Variants in ARB2A observed in about 807,000 individuals in gnomAD.
The protein encoded by ARB2A is ARB2 cotranscriptional regulator A.
the ARB2A span, among the ~76,000 whole-genome samples, chr5:93,935,003 A>T: frequency 6.6e-6 from 1 of 152,112 alleles, no homozygotes; most frequent in South Asian, 2.1e-4. Context: ...GTATGTTCTC[A>T]CTCATAAGTG....
the ARB2A span, among the ~76,000 whole-genome samples, chr5:93,676,218 T>C: frequency 2.0e-5 from 3 of 151,948 alleles, no homozygotes; most frequent in Non-Finnish European, 2.9e-5. Context: ...TATGACCAAG[T>C]ACAAGTATCA....
At chr5:94,019,684 G>T in the ARB2A span, among the ~76,000 whole-genome samples, 1 of 152,232 alleles carries the variant, frequency 6.6e-6, no homozygotes, top group Non-Finnish European at 1.5e-5. Flanking sequence ...CTTTTGGTGG[G>T]AGTGTAAACT....
At chr5:94,061,181 T>C in the ARB2A span, among the ~76,000 whole-genome samples, 1 of 151,910 alleles carries the variant, frequency 6.6e-6, no homozygotes, top group Non-Finnish European at 1.5e-5. Flanking sequence ...GAGCTTGCAA[T>C]GAGCCAAGAC....
the ARB2A span, among the ~76,000 whole-genome samples, chr5:93,717,038 T>C: frequency 6.6e-6 from 1 of 152,228 alleles, no homozygotes; most frequent in African/African-American, 2.4e-5. Context: ...AAAGAATGTA[T>C]ACTATTTATG....
chr5:93,924,295 G>A, the ARB2A span, among the ~76,000 whole-genome samples: 1 of 152,154 alleles, frequency 6.6e-6, no homozygotes, highest in Non-Finnish European at 1.5e-5. Flanking sequence ...TAACTGGCAT[G>A]TTTCATACAG....
At chr5:94,066,463 CACAT>C in the ARB2A span, among the ~76,000 whole-genome samples, 104 of 146,128 alleles carry the variant, frequency 7.1e-4, no homozygotes, top group African/African-American at 2.5e-3. Flanking sequence ...CACACACACA[CACAT>C]AAAAACCCAG....
At chr5:93,836,673 G>T in the ARB2A span, among the ~76,000 whole-genome samples, 2 of 152,080 alleles carry the variant, frequency 1.3e-5, no homozygotes, top group African/African-American at 4.8e-5. Context: ...CAAATTGTAT[G>T]CATTTGTATT....
the ARB2A span, among the ~76,000 whole-genome samples, chr5:93,857,922 A>G: frequency 6.6e-6 from 1 of 152,184 alleles, no homozygotes; most frequent in Non-Finnish European, 1.5e-5. Flanking sequence ...CTATTCGGCC[A>G]TCTTGGCTGC....
chr5:94,077,664 T>C, the ARB2A span, among the ~76,000 whole-genome samples: 2 of 152,190 alleles, frequency 1.3e-5, no homozygotes, highest in Admixed American at 6.5e-5. Context: ...ACATTTGATA[T>C]ATATTAATAC....
the ARB2A span, among the ~76,000 whole-genome samples, chr5:93,972,975 GT>G: frequency 1.3e-5 from 2 of 150,894 alleles, no homozygotes; most frequent in African/African-American, 4.9e-5. Flanking sequence ...TTTTGAGACA[GT>G]CTCGCTCTGT....
chr5:93,931,067 T>C, the ARB2A span, among the ~76,000 whole-genome samples: 1 of 152,184 alleles, frequency 6.6e-6, no homozygotes, highest in African/African-American at 2.4e-5. Flanking sequence ...CTCCCACTTA[T>C]GAGTAAGAAC....
At chr5:93,972,468 A>T in the ARB2A span, among the ~76,000 whole-genome samples, 1 of 144,480 alleles carries the variant, frequency 6.9e-6, no homozygotes, top group African/African-American at 2.5e-5. Flanking sequence ...ATAGCAAACT[A>T]AAAAAAAAAA....
chr5:94,077,666 T>C, the ARB2A span, among the ~76,000 whole-genome samples: 1 of 152,214 alleles, frequency 6.6e-6, no homozygotes, highest in African/African-American at 2.4e-5. Context: ...ATTTGATATA[T>C]ATTAATACAT....
chr5:93,799,923 T>C, the ARB2A span, among the ~76,000 whole-genome samples: 2 of 152,100 alleles, frequency 1.3e-5, no homozygotes, highest in Non-Finnish European at 2.9e-5. Context: ...CTGTATATTA[T>C]CTTGGGATAT....
the ARB2A span, among the ~76,000 whole-genome samples, chr5:93,865,026 A>G: frequency 1.3e-5 from 2 of 152,182 alleles, no homozygotes; most frequent in Admixed American, 6.5e-5. Flanking sequence ...ATGTGCTACT[A>G]AACAGGATAC....
chr5:93,937,867 T>C, the ARB2A span, among the ~76,000 whole-genome samples: 1 of 152,194 alleles, frequency 6.6e-6, no homozygotes, highest in Non-Finnish European at 1.5e-5. Flanking sequence ...ATGTAAACAG[T>C]TGTTATACTA....
chr5:93,822,333 G>A, the ARB2A span, among the ~76,000 whole-genome samples: 5 of 152,186 alleles, frequency 3.3e-5, no homozygotes, highest in Middle Eastern at 3.4e-3. Context: ...CAAGCAGGAC[G>A]GGCAAAATAG....
the ARB2A span, among the ~76,000 whole-genome samples, chr5:93,989,674 G>T: frequency 6.6e-6 from 1 of 152,076 alleles, no homozygotes; most frequent in East Asian, 1.9e-4. Flanking sequence ...TTCATTTCCT[G>T]ACTACATAAA....
At chr5:94,088,230 T>C in the ARB2A span, among the ~76,000 whole-genome samples, 1 of 152,184 alleles carries the variant, frequency 6.6e-6, no homozygotes. Context: ...CCCAATTGAT[T>C]CCTTGCCTGT....
Sources: allele counts gnomAD v4.1 joint callset (sites outside exome capture counted in the v4.1 genomes callset), GRCh38; gene constraint gnomAD v4.1.1; transcripts MANE v1.5; gene names NCBI Gene and HGNC (gene_info 2026-07-23, HGNC 2026-07-21).